Variants in PRKACB observed in about 807,000 individuals in gnomAD.
PRKACB encodes protein kinase cAMP-activated catalytic subunit beta.
A neutral mutation model predicts 51.4 loss-of-function variants in PRKACB; 16 were observed. That is an observed-to-expected ratio of 0.31 (90% CI 0.21 to 0.47). PRKACB has a LOEUF of 0.47. Among genes scored for constraint, PRKACB ranks in the 20% least tolerant of loss-of-function variants. The probability of loss-of-function intolerance (pLI) is 1.00; values close to 1 mark genes in which losing one functional copy is unlikely to be tolerated. For missense variants in PRKACB, 309 were observed against 464.5 expected, an observed-to-expected ratio of 0.67 and a Z score of 3.08; for synonymous variants, 147 against 154.4, an observed-to-expected ratio of 0.95 and a Z score of 0.35.
At chr1:84,168,895 T>C (rs1442122774) in intron 1 of PRKACB, among the ~76,000 whole-genome samples, 1 of 151,492 alleles carries the variant, frequency 6.6e-6, no homozygotes, top group Non-Finnish European at 1.5e-5. Context: ...TTTCCTGACA[T>C]AGAAGGCATC....
At chr1:84,127,618 A>G (rs1301144941) in intron 1 of PRKACB, among the ~76,000 whole-genome samples, 1 of 131,086 alleles carries the variant, frequency 7.6e-6, no homozygotes, top group African/African-American at 2.7e-5. Context: ...ACTGTGTGAG[A>G]TAAATATGAA....
At chr1:84,213,631 A>G (rs1158590520) in intron 8 of PRKACB, among the ~76,000 whole-genome samples, 1 of 152,200 alleles carries the variant, frequency 6.6e-6, no homozygotes, top group Non-Finnish European at 1.5e-5. Flanking sequence ...CCAACTTCTG[A>G]TAAATGAAAA....
At chr1:84,147,993 A>G (rs1209465574) in intron 1 of PRKACB, among the ~76,000 whole-genome samples, 1 of 152,172 alleles carries the variant, frequency 6.6e-6, no homozygotes, top group East Asian at 1.9e-4. Flanking sequence ...AACTAGCATA[A>G]TACAGGATAA....
At chr1:84,078,842 G>C (rs375507421) in intron 1 of PRKACB, among the ~76,000 whole-genome samples, 1 of 152,210 alleles carries the variant, frequency 6.6e-6, no homozygotes, top group Non-Finnish European at 1.5e-5. Flanking sequence ...CTCTACGCAA[G>C]TGAGGCTAAT....
chr1:84,184,153 C>A lies in PRKACB; in HGVS notation c.477+18C>A. 6.4e-7 allele frequency: 1 copy of A among 1,572,848 alleles called. No individual in the cohort carries two copies. The highest frequency in any genetic ancestry group is 1.9e-5 in the Admixed American group (1 of 52,734). On this transcript the variant is annotated intron_variant, in intron 4 of 9. Coordinates refer to ENST00000370685, the MANE Select transcript of PRKACB (RefSeq NM_182948.4). ...CTTTTAAGGTAAATTTTAGTAATAT[C>A]TAAATAAGATATTTTCAACCTAAAT...
upstream of PRKACB, among the ~76,000 whole-genome samples, chr1:84,142,971 G>A (rs1344316253): frequency 6.6e-6 from 1 of 151,938 alleles, no homozygotes; most frequent in Non-Finnish European, 1.5e-5. Flanking sequence ...GTTTTAGATA[G>A]ACCTTTTTCT....
At chr1:84,109,230 A>C (rs1650020925) in intron 1 of PRKACB, among the ~76,000 whole-genome samples, 1 of 151,958 alleles carries the variant, frequency 6.6e-6, no homozygotes, top group Admixed American at 6.6e-5. Flanking sequence ...CATTTTGGCG[A>C]ACATATGTAT....
intron 1 of PRKACB, among the ~76,000 whole-genome samples, chr1:84,100,619 A>G (rs1649277357): frequency 6.6e-6 from 1 of 152,176 alleles, no homozygotes; most frequent in South Asian, 2.1e-4. Context: ...ACCATATTAT[A>G]CCATTTCCCT....
intron 1 of PRKACB, chr1:84,164,835 T>TA (rs1656867016): frequency 4.3e-6 from 6 of 1,388,140 alleles, no homozygotes; most frequent in Admixed American, 3.3e-5. Flanking sequence ...GCTTTGCTTC[T>TA]AGGGGCTTCT....
intron 1 of PRKACB, 63 bp downstream of exon 1, chr1:84,144,611 C>T (rs1653787189): frequency 6.9e-7 from 1 of 1,451,266 alleles, no homozygotes; most frequent in Non-Finnish European, 9.3e-7. Context: ...TGGAGTTTTA[C>T]AATCAAACAT....
intron 9 of PRKACB, among the ~76,000 whole-genome samples, chr1:84,218,699 T>C (rs542739831): frequency 6.6e-5 from 10 of 152,324 alleles, no homozygotes; most frequent in African/African-American, 1.9e-4. Flanking sequence ...TATTTTTAGA[T>C]TTTTGAAAAA....
chr1:84,116,864 G>A (rs1650678445), intron 1 of PRKACB, among the ~76,000 whole-genome samples: 1 of 152,136 alleles, frequency 6.6e-6, no homozygotes, highest in Non-Finnish European at 1.5e-5. Context: ...TCGAATAATA[G>A]TAGTTAAAGT....
intron 2 of PRKACB, among the ~76,000 whole-genome samples, chr1:84,181,286 G>C (rs1003741722): frequency 6.6e-6 from 1 of 152,022 alleles, no homozygotes; most frequent in Admixed American, 6.6e-5. Context: ...ACTACATACT[G>C]GGCCTTCAGA....
intron 1 of PRKACB, among the ~76,000 whole-genome samples, chr1:84,151,645 G>A (rs1034439397): frequency 1.3e-5 from 2 of 152,124 alleles, no homozygotes; most frequent in Admixed American, 6.6e-5. Context: ...AATCTTCACA[G>A]CATCTTCACC....
chr1:84,176,729 AATAAT>A (rs1276554113), intron 1 of PRKACB, among the ~76,000 whole-genome samples: 2 of 151,886 alleles, frequency 1.3e-5, no homozygotes, highest in African/African-American at 4.8e-5. Context: ...CACAAAATAT[AATAAT>A]ATATTTGATT....
chr1:84,157,012 G>A (rs1370329647), intron 1 of PRKACB, among the ~76,000 whole-genome samples: 1 of 152,056 alleles, frequency 6.6e-6, no homozygotes, highest in Non-Finnish European at 1.5e-5. Context: ...TTTCCCCTTT[G>A]ATAAAGCCTC....
chr1:84,189,346 C>G (rs1666076854), intron 5 of PRKACB, among the ~76,000 whole-genome samples: 1 of 151,012 alleles, frequency 6.6e-6, no homozygotes, highest in South Asian at 2.1e-4. Context: ...ATAATACAGA[C>G]ATACCAAGAA....
At chr1:84,222,259 C>T (rs1463078044) in intron 9 of PRKACB, among the ~76,000 whole-genome samples, 3 of 151,664 alleles carry the variant, frequency 2.0e-5, no homozygotes, top group Admixed American at 2.0e-4. Context: ...TTTTGTTTTC[C>T]ATTTGTATGA....
At chr1:84,125,737 C>T (rs981356368) in intron 1 of PRKACB, among the ~76,000 whole-genome samples, 19 of 152,060 alleles carry the variant, frequency 1.2e-4, no homozygotes, top group Non-Finnish European at 2.1e-4. Context: ...AACAGATATG[C>T]ATATGATTAA....
Sources: gnomAD v4.1 joint callset for allele counts (sites outside exome capture counted in the v4.1 genomes callset) on GRCh38, gnomAD v4.1.1 for gene constraint, MANE v1.5 for transcripts, NCBI Gene and HGNC (gene_info 2026-07-23, HGNC 2026-07-21) for gene names.